GIGYF2: variants seen among roughly 807,000 people sequenced by gnomAD.
GIGYF2 encodes GRB10 interacting GYF protein 2.
Under a neutral mutation model 208.1 loss-of-function variants are expected in GIGYF2, and 25 were observed. That is an observed-to-expected ratio of 0.12 (90% CI 0.09 to 0.17). GIGYF2 has a LOEUF of 0.17. GIGYF2 is among the 10% of genes least tolerant of loss of function. GIGYF2 has a pLI of 1.00. For synonymous variants in GIGYF2, 534 were observed against 543.8 expected (o/e 0.98, Z 0.25); for missense variants, 1,302 against 1,579.4 (o/e 0.82, Z 2.98).
intron 14 of GIGYF2, among the ~76,000 whole-genome samples, chr2:232,801,354 C>A (rs1027459889): frequency 2.6e-5 from 4 of 152,044 alleles, no homozygotes; most frequent in Admixed American, 1.3e-4. Flanking sequence ...CACAGTGAGA[C>A]CCTGTCTCTA....
intron 12 of GIGYF2, 123 bp downstream of exon 12, chr2:232,791,569 A>C: frequency 1.2e-6 from 1 of 834,694 alleles, no homozygotes; most frequent in Non-Finnish European, 2.0e-6. Flanking sequence ...ATCGGAATAG[A>C]TTATTTTACC....
At position 232,768,867 on chromosome 2, in the gene GIGYF2, CT is replaced by C. The variant is rs988166199; in HGVS notation, c.532+7436del. 1.2e-5 allele frequency: 18 copies of C among 1,456,620 alleles called. No individual in the cohort carries two copies. In the African/African-American group the frequency reaches 2.4e-4, roughly 20 times the overall value. The allele number at this position is 1,456,620 out of a possible 1,614,324, so 90.2% of individuals were successfully genotyped here. A position where few individuals can be genotyped will look rare whatever the true frequency, so the allele number is the denominator to read the frequency against. On this transcript the variant is annotated intron_variant, in intron 8 of 28. Coordinates refer to ENST00000373563, the MANE Select transcript of GIGYF2 (RefSeq NM_001103146.3). ...AGAATGAAGACTTTAAATATCAATA[CT>C]TTTTCTGAATGACAAGTGTATATCA...
Position 232,813,881 on chromosome 2 carries a change from ATTTTT to A in GIGYF2, c.2107+1410_2107+1414del, listed in dbSNP as rs397871962. 8.4e-3 allele frequency among the ~76,000 whole-genome samples: 621 copies of A among 73,548 alleles called. 2 individuals carry two copies. Among genetic ancestry groups the A allele is most frequent in the African/African-American group, 0.03 (599 of 20,248 alleles). The allele number at this position is 73,548 out of a possible 152,430, so 48.3% of individuals were successfully genotyped here. A position where few individuals can be genotyped will look rare whatever the true frequency, so the allele number is the denominator to read the frequency against. On this transcript the variant is annotated intron_variant, in intron 18 of 28. Coordinates refer to ENST00000373563, the MANE Select transcript of GIGYF2 (RefSeq NM_001103146.3). ...AGCATTGACATGATTTCACAAGTGG[ATTTTT>A]TTTTTTTTTTTTTTTTTTTGAGACA...
At chr2:232,855,871 C>A (rs746113536) in intron 28 of GIGYF2, among the ~76,000 whole-genome samples, 3 of 152,134 alleles carry the variant, frequency 2.0e-5, no homozygotes, top group African/African-American at 4.8e-5. Context: ...GTCCTTGATA[C>A]ACACTCACAT....
intron 3 of GIGYF2, among the ~76,000 whole-genome samples, chr2:232,741,102 CCTAT>C (rs1290353149): frequency 6.6e-6 from 1 of 152,120 alleles, no homozygotes; most frequent in Non-Finnish European, 1.5e-5. Flanking sequence ...TATTCAGCTG[CCTAT>C]CTGATTTTTC....
At chr2:232,710,364 A>G (rs1245014430) in intron 2 of GIGYF2, among the ~76,000 whole-genome samples, 1 of 152,202 alleles carries the variant, frequency 6.6e-6, no homozygotes, top group Non-Finnish European at 1.5e-5. Flanking sequence ...GCTTGAGATT[A>G]CAGGTATCAG....
intron 2 of GIGYF2, among the ~76,000 whole-genome samples, chr2:232,734,040 TTTA>T (rs1341815648): frequency 1.3e-5 from 2 of 151,764 alleles, no homozygotes; most frequent in African/African-American, 4.8e-5. Flanking sequence ...AATTCATTAG[TTTA>T]TTATTTTAAC....
intron 2 of GIGYF2, among the ~76,000 whole-genome samples, chr2:232,719,694 C>T (rs1216976426): frequency 6.6e-6 from 1 of 152,122 alleles, no homozygotes; most frequent in Non-Finnish European, 1.5e-5. Flanking sequence ...GATAAAATAA[C>T]TTACAGTGAG....
chr2:232,791,449 A>G lies in GIGYF2; in HGVS notation c.1282+3A>G. 1 of 1,612,012 alleles carries G rather than the reference A, an allele frequency of 6.2e-7. No individual in the cohort carries two copies. On this transcript the variant is annotated splice_donor_region_variant and intron_variant, in intron 12 of 28. Transcript: ENST00000373563. Reference sequence around the variant, plus strand: ...CAAAGTGCCCAGCAGAGGGGATGGTATGTATTTGTGGGAATAGACAAGCTA... The same window carrying G: ...CAAAGTGCCCAGCAGAGGGGATGGTGTGTATTTGTGGGAATAGACAAGCTA...
At chr2:232,717,738 G>T (rs1574787528) in intron 2 of GIGYF2, among the ~76,000 whole-genome samples, 1 of 108,068 alleles carries the variant, frequency 9.3e-6, no homozygotes, top group East Asian at 2.6e-4. Flanking sequence ...TCATGGTGAG[G>T]GGAGCAAGAG....
intron 2 of GIGYF2, chr2:232,719,249 C>G (rs1316650600): frequency 6.6e-6 from 1 of 152,146 alleles, no homozygotes; most frequent in African/African-American, 2.4e-5. Flanking sequence ...TTCAAGACTT[C>G]TGGAAAGCAG....
intron 4 of GIGYF2, 89 bp from the exon 5 acceptor site, chr2:232,748,895 TAGA>T: frequency 2.6e-6 from 2 of 768,400 alleles, no homozygotes; most frequent in Non-Finnish European, 2.4e-6. Context: ...CAACAATAAA[TAGA>T]AGAGTATTCT....
At chr2:232,729,981 T>G in intron 2 of GIGYF2, 7 of 728,712 alleles carry the variant, frequency 9.6e-6, no homozygotes, top group Non-Finnish European at 2.5e-6. Context: ...CAAAGCCTTC[T>G]TCACTCCTGG....
At chr2:232,815,378 A>G (rs534268262) in intron 18 of GIGYF2, among the ~76,000 whole-genome samples, 1 of 152,324 alleles carries the variant, frequency 6.6e-6, no homozygotes, top group South Asian at 2.1e-4. Context: ...GGGGGTATGA[A>G]TAGAAACATT....
chr2:232,858,464 C>G lies in GIGYF2; in HGVS notation c.*1604C>G, dbSNP rs2106440511. 2.2e-6 allele frequency: 1 copy of G among 455,516 alleles called. No homozygotes were observed. Among genetic ancestry groups the G allele is most frequent in the African/African-American group, 2.0e-5 (1 of 50,002 alleles). 28.2% of individuals were successfully genotyped at this position (455,516 alleles called of 1,614,324 possible). On this transcript the variant is annotated 3_prime_UTR_variant, in exon 29 of 29. Transcript: ENST00000373563. ...CAAATAGCATGAGGGGAGAGGAAAC[C>G]ATTAAAAGTTGGGGCTCCTACTCTC...
intron 19 of GIGYF2, among the ~76,000 whole-genome samples, chr2:232,816,269 A>G (rs995951234): frequency 6.6e-6 from 1 of 152,208 alleles, no homozygotes; most frequent in African/African-American, 2.4e-5. Flanking sequence ...ATCAATACCT[A>G]GTGTCATTGT....
At chr2:232,780,257 C>T (rs892420501) in intron 8 of GIGYF2, among the ~76,000 whole-genome samples, 1 of 152,170 alleles carries the variant, frequency 6.6e-6, no homozygotes, top group African/African-American at 2.4e-5. Context: ...AAAACTAACA[C>T]TGCATTTTAA....
chr2:232,847,689 T>TAA (rs1440048558), intron 27 of GIGYF2, 118 bp downstream of exon 27: 2 of 1,378,786 alleles, frequency 1.5e-6, no homozygotes, highest in African/African-American at 2.9e-5. Flanking sequence ...ATAACCATGC[T>TAA]TTAAAAAATG....
chr2:232,835,887 C>A (rs927281851), intron 22 of GIGYF2, among the ~76,000 whole-genome samples: 1 of 151,902 alleles, frequency 6.6e-6, no homozygotes. Flanking sequence ...CTGAGAATAT[C>A]CCTGGTGGTG....
Sources: gnomAD v4.1 joint callset for allele counts (sites outside exome capture counted in the v4.1 genomes callset) on GRCh38, gnomAD v4.1.1 for gene constraint, MANE v1.5 for transcripts, NCBI Gene and HGNC (gene_info 2026-07-23, HGNC 2026-07-21) for gene names.